CA10: variants seen among roughly 807,000 people sequenced by gnomAD.
The protein encoded by CA10 is carbonic anhydrase 10 (inactive).
A neutral mutation model predicts 44.2 loss-of-function variants in CA10; 14 were observed. The observed-to-expected ratio is 0.32, with a 90% CI of 0.21 to 0.50. The LOEUF is 0.50. Among genes scored for constraint, CA10 ranks in the 20% least tolerant of loss-of-function variants. The pLI, the probability that CA10 is intolerant of heterozygous loss-of-function variation, is 0.99. For missense variants in CA10, 350 were observed against 409.7 expected (o/e 0.85, Z 1.26); for synonymous variants, 159 against 141.6 (o/e 1.12, Z -0.87).
intron 3 of CA10, among the ~76,000 whole-genome samples, chr17:51,876,822 C>A (rs539685987): frequency 6.6e-6 from 1 of 152,172 alleles, no homozygotes; most frequent in East Asian, 1.9e-4. Flanking sequence ...GCATCTGTAC[C>A]ATTTTGCATT....
intron 1 of CA10, among the ~76,000 whole-genome samples, chr17:52,133,984 A>T (rs184761938): frequency 6.6e-6 from 1 of 152,330 alleles, no homozygotes; most frequent in East Asian, 1.9e-4. Flanking sequence ...TTAGCATATC[A>T]TGCTGGTGAT....
Position 51,790,092 on chromosome 17 carries a change from C to T in CA10, c.280-42274G>A, listed in dbSNP as rs149607912. Reference sequence around the variant, plus strand: ...GGTTGCTGGAAATGGGAGGAGCCATCGTGCATCAGATGCTTGGACTAACCA... The same window carrying T: ...GGTTGCTGGAAATGGGAGGAGCCATTGTGCATCAGATGCTTGGACTAACCA... On this transcript the variant is annotated intron_variant, in intron 3 of 8. Coordinates refer to ENST00000451037, the MANE Select transcript of CA10 (RefSeq NM_020178.5). Among the ~76,000 whole-genome samples the T allele has an allele frequency of 9.9e-5, 15 of 152,270 alleles. 1 individual carries two copies. Among genetic ancestry groups the T allele is most frequent in the Admixed American group, 5.2e-4 (8 of 15,292 alleles).
chr17:51,988,363 GA>G (rs1668318890), intron 2 of CA10, among the ~76,000 whole-genome samples: 1 of 151,870 alleles, frequency 6.6e-6, no homozygotes, highest in Non-Finnish European at 1.5e-5. Context: ...TAAGATAGGA[GA>G]AAAACCAAGA....
chr17:51,864,097 T>G (rs1201906979), intron 3 of CA10, among the ~76,000 whole-genome samples: 1 of 152,158 alleles, frequency 6.6e-6, no homozygotes, highest in Non-Finnish European at 1.5e-5. Flanking sequence ...ATTAGCATAA[T>G]CTATCTGGGA....
intron 1 of CA10, among the ~76,000 whole-genome samples, chr17:52,141,593 G>A (rs1989480927): frequency 6.6e-6 from 1 of 152,194 alleles, no homozygotes; most frequent in Non-Finnish European, 1.5e-5. Context: ...CTGCTGTGAT[G>A]TAAAAGAAGC....
At chr17:51,665,657 C>T (rs1428813128) in intron 4 of CA10, among the ~76,000 whole-genome samples, 1 of 152,166 alleles carries the variant, frequency 6.6e-6, no homozygotes, top group Non-Finnish European at 1.5e-5. Flanking sequence ...TGCTCCTAGG[C>T]TACAAATCTG....
At chr17:51,736,200 G>A (rs886308798) in intron 4 of CA10, among the ~76,000 whole-genome samples, 10 of 152,294 alleles carry the variant, frequency 6.6e-5, no homozygotes, top group Middle Eastern at 6.8e-3. Context: ...AGCTGATAGA[G>A]CCAGGATTCA....
chr17:51,748,345 G>T (rs1904780018), intron 3 of CA10: 1 of 318,120 alleles, frequency 3.1e-6, no homozygotes, highest in Non-Finnish European at 4.6e-6. Context: ...ACATTGCACA[G>T]AATCCTCATA....
intron 3 of CA10, among the ~76,000 whole-genome samples, chr17:51,871,869 A>G (rs1979832869): frequency 1.3e-5 from 2 of 152,198 alleles, no homozygotes; most frequent in Admixed American, 1.3e-4. Flanking sequence ...AGAGTTCATC[A>G]TGTACCTTCA....
At chr17:51,763,858 C>T (rs916244288) in intron 3 of CA10, among the ~76,000 whole-genome samples, 5 of 151,826 alleles carry the variant, frequency 3.3e-5, no homozygotes, top group Non-Finnish European at 7.4e-5. Flanking sequence ...TGTAATCTGC[C>T]CATTCTCTCT....
intron 2 of CA10, among the ~76,000 whole-genome samples, chr17:52,049,417 C>T (rs139520097): frequency 1.3e-5 from 2 of 152,166 alleles, no homozygotes; most frequent in Non-Finnish European, 2.9e-5. Context: ...GAGAAATAAA[C>T]AAGTTAACAT....
At chr17:51,840,571 G>C (rs544455925) in intron 3 of CA10, among the ~76,000 whole-genome samples, 1 of 152,188 alleles carries the variant, frequency 6.6e-6, no homozygotes, top group South Asian at 2.1e-4. Context: ...GATAGATAGA[G>C]GGAGGGAGAA....
chr17:51,956,064 T>C (rs1983655445), intron 2 of CA10, among the ~76,000 whole-genome samples: 1 of 152,118 alleles, frequency 6.6e-6, no homozygotes, highest in African/African-American at 2.4e-5. Context: ...CACCTAATAA[T>C]TTTTAGAAGA....
chr17:51,728,625 C>T (rs1173305405), intron 4 of CA10, among the ~76,000 whole-genome samples: 2 of 152,204 alleles, frequency 1.3e-5, no homozygotes, highest in African/African-American at 2.4e-5. Context: ...AAGTGCCCTT[C>T]TCTTCGCATC....
intron 4 of CA10, among the ~76,000 whole-genome samples, chr17:51,679,525 T>C (rs1014649015): frequency 4.6e-5 from 7 of 151,006 alleles, no homozygotes; most frequent in South Asian, 2.1e-4. Flanking sequence ...CCTCCCAAAG[T>C]GCTGGGATTA....
intron 1 of CA10, among the ~76,000 whole-genome samples, chr17:52,142,590 T>C (rs1169126642): frequency 6.6e-6 from 1 of 152,142 alleles, no homozygotes; most frequent in African/African-American, 2.4e-5. Context: ...AAGTTTAATA[T>C]ATATATAAAA....
intron 1 of CA10, among the ~76,000 whole-genome samples, chr17:52,121,934 A>T (rs1200417311): frequency 6.6e-6 from 1 of 152,192 alleles, no homozygotes; most frequent in Non-Finnish European, 1.5e-5. Context: ...TGCATCTCTC[A>T]GAATGTAGCA....
chr17:51,701,985 C>T lies in CA10; in HGVS notation c.465+45648G>A, dbSNP rs183111286. 6.6e-4 allele frequency among the ~76,000 whole-genome samples: 100 copies of T among 152,330 alleles called. No homozygotes were observed. In the East Asian group the frequency reaches 0.015, roughly 23 times the overall value. On this transcript the variant is annotated intron_variant, in intron 4 of 8. Coordinates refer to ENST00000451037, the MANE Select transcript of CA10 (RefSeq NM_020178.5). ...GCACCTTACCCAGATGTCACAAATG[C>T]TTCTCAGAACCTGCCAACCAGACTA...
At chr17:51,776,813 C>G (rs1905835484) in intron 3 of CA10, among the ~76,000 whole-genome samples, 1 of 152,208 alleles carries the variant, frequency 6.6e-6, no homozygotes, top group Non-Finnish European at 1.5e-5. Flanking sequence ...CTAGTACCTA[C>G]ACGTATTGGA....
Sources: gnomAD v4.1 joint callset for allele counts (sites outside exome capture counted in the v4.1 genomes callset) on GRCh38, gnomAD v4.1.1 for gene constraint, MANE v1.5 for transcripts, NCBI Gene and HGNC (gene_info 2026-07-23, HGNC 2026-07-21) for gene names.